Variants in DCC observed in about 807,000 individuals in gnomAD.
DCC encodes the protein netrin receptor DCC.
In DCC, 58 loss-of-function variants were observed where a neutral mutation model predicts 172.5. That is an observed-to-expected ratio of 0.34 (90% confidence interval 0.27 to 0.42). DCC has a LOEUF of 0.42. Ranked by LOEUF, DCC falls within the 10% of genes least tolerant of loss-of-function variation. The pLI, the probability that DCC is intolerant of heterozygous loss-of-function variation, is 1.00. For missense variants in DCC, 1,740 were observed against 1,791.0 expected, an observed-to-expected ratio of 0.97 and a Z score of 0.51; for synonymous variants, 709 against 644.5, an observed-to-expected ratio of 1.10 and a Z score of -1.52.
chr18:52,663,538 A>G (rs2035403624), intron 1 of DCC, among the ~76,000 whole-genome samples: 1 of 152,200 alleles, frequency 6.6e-6, no homozygotes, highest in Non-Finnish European at 1.5e-5. Context: ...TTGATAAATA[A>G]TTAGGCACAT....
intron 5 of DCC, among the ~76,000 whole-genome samples, chr18:53,046,933 T>G (rs1305620875): frequency 1.3e-5 from 2 of 151,728 alleles, no homozygotes; most frequent in East Asian, 2.0e-4. Flanking sequence ...ATTTTTTTAA[T>G]GCAGTGGCTT....
chr18:53,407,129 A>G (rs1439562602), intron 19 of DCC, among the ~76,000 whole-genome samples: 2 of 152,172 alleles, frequency 1.3e-5, no homozygotes, highest in East Asian at 3.9e-4. Flanking sequence ...CAAATATTTT[A>G]TCATCATCTG....
In DCC at chr18:52,724,443, C is replaced by T. The variant is rs144720337; in HGVS notation, c.92-27611C>T. On this transcript the variant is annotated intron_variant, in intron 1 of 28. Transcript: ENST00000442544. ...AGATTACAGGTGTGAGTCATTGTGCCCAGCCTCATACCTTATTTTTAATCC... is the reference window on the plus strand; with the variant it reads ...AGATTACAGGTGTGAGTCATTGTGCTCAGCCTCATACCTTATTTTTAATCC... 3.4e-4 allele frequency among the ~76,000 whole-genome samples: 51 copies of T among 152,210 alleles called. 1 individual carries two copies. Among genetic ancestry groups the T allele is most frequent in the African/African-American group, 1.1e-3 (47 of 41,528 alleles).
At position 53,282,154 on chromosome 18, in the gene DCC, A is replaced by G. The variant is rs2056879954; in HGVS notation, c.1912-23424A>G. Among the ~76,000 whole-genome samples, 3 of 152,158 alleles carry G rather than the reference A, an allele frequency of 2.0e-5. No homozygotes were observed. The South Asian group carries it at 6.2e-4, about 31-fold the overall frequency. On this transcript the variant is annotated intron_variant, in intron 12 of 28. Transcript: ENST00000442544. ...TCCTGTGAGGTTATTATTTACTGATAGATTTTTCTTTTGTTGTTTTTGCTT... is the reference window on the plus strand; with the variant it reads ...TCCTGTGAGGTTATTATTTACTGATGGATTTTTCTTTTGTTGTTTTTGCTT...
intron 1 of DCC, among the ~76,000 whole-genome samples, chr18:52,380,460 T>C (rs1985536918): frequency 6.6e-6 from 1 of 151,874 alleles, no homozygotes; most frequent in Non-Finnish European, 1.5e-5. Flanking sequence ...CAGGAAAAAA[T>C]TGCCAGATGG....
At position 52,927,079 on chromosome 18, in the gene DCC, G is replaced by GTA. The variant is rs1555682800; in HGVS notation, c.985+1714_985+1715dup. On this transcript the variant is annotated intron_variant, in intron 5 of 28. Coordinates refer to ENST00000442544, the MANE Select transcript of DCC (RefSeq NM_005215.4). ...TACACATATATACACACATATATGT[G>GTA]TATATACACGTATATACGTGTATAT... Among the ~76,000 whole-genome samples, 19 of 108,184 alleles carry GTA rather than the reference G, an allele frequency of 1.8e-4. 6 individuals are homozygous for GTA. The highest frequency in any genetic ancestry group is 1.5e-3 in the South Asian group (5 of 3,390). The allele number at this position is 108,184 out of a possible 152,430, so 71.0% of individuals were successfully genotyped here.
At chr18:53,268,980 G>A (rs1404467973) in intron 12 of DCC, among the ~76,000 whole-genome samples, 7 of 152,130 alleles carry the variant, frequency 4.6e-5, no homozygotes, top group African/African-American at 1.7e-4. Flanking sequence ...TGTTTTTAGA[G>A]GAAAGAATAT....
intron 1 of DCC, among the ~76,000 whole-genome samples, chr18:52,635,275 A>G (rs749124838): frequency 8.5e-4 from 129 of 152,242 alleles, no homozygotes; most frequent in Non-Finnish European, 1.7e-3. Flanking sequence ...GCTTCACAAC[A>G]GTCCTTTGAT....
At chr18:52,894,396 T>C (rs1002738401) in intron 2 of DCC, among the ~76,000 whole-genome samples, 1 of 148,812 alleles carries the variant, frequency 6.7e-6, no homozygotes, top group Non-Finnish European at 1.5e-5. Context: ...ACAGGACACA[T>C]ACACACACAC....
At chr18:52,484,846 A>G in intron 1 of DCC, among the ~76,000 whole-genome samples, 1 of 151,440 alleles carries the variant, frequency 6.6e-6, no homozygotes, top group South Asian at 2.1e-4. Flanking sequence ...AGTGGCTCTC[A>G]CTCCCTTCTC....
At chr18:53,471,527 C>A (rs1042837321) in intron 25 of DCC, among the ~76,000 whole-genome samples, 1 of 152,114 alleles carries the variant, frequency 6.6e-6, no homozygotes, top group Non-Finnish European at 1.5e-5. Flanking sequence ...CATGTAGAAA[C>A]AAAATCCACC....
chr18:53,355,140 G>A (rs2057863265), intron 15 of DCC, among the ~76,000 whole-genome samples: 1 of 152,222 alleles, frequency 6.6e-6, no homozygotes, highest in Non-Finnish European at 1.5e-5. Context: ...CTATATCTCT[G>A]TTTTGGTACC....
At chr18:53,228,664 ACTT>A (rs1290131763) in intron 12 of DCC, among the ~76,000 whole-genome samples, 1 of 152,094 alleles carries the variant, frequency 6.6e-6, no homozygotes, top group Non-Finnish European at 1.5e-5. Flanking sequence ...TTCTGACTAT[ACTT>A]AACTTTGATA....
chr18:52,514,130 CCTCT>C (rs978087657), intron 1 of DCC, among the ~76,000 whole-genome samples: 9 of 151,878 alleles, frequency 5.9e-5, no homozygotes, highest in Admixed American at 2.6e-4. Flanking sequence ...TTGATAAAAT[CCTCT>C]CTCTCTGTAT....
intron 5 of DCC, among the ~76,000 whole-genome samples, chr18:52,950,093 A>G (rs963044317): frequency 1.3e-5 from 2 of 152,126 alleles, no homozygotes; most frequent in African/African-American, 2.4e-5. Flanking sequence ...TTCCATTTCT[A>G]TATTGTTTGA....
At chr18:53,483,535 T>C (rs1214953515) in intron 25 of DCC, among the ~76,000 whole-genome samples, 1 of 151,886 alleles carries the variant, frequency 6.6e-6, no homozygotes, top group East Asian at 1.9e-4. Context: ...TGTTAACAGA[T>C]AGAAGTTAAC....
intron 7 of DCC, among the ~76,000 whole-genome samples, chr18:53,106,536 G>A (rs1377657113): frequency 6.6e-6 from 1 of 151,910 alleles, no homozygotes; most frequent in Non-Finnish European, 1.5e-5. Flanking sequence ...AATAAGAGGA[G>A]ATAATTCACT....
At chr18:53,428,210 A>G (rs1431712861) in intron 21 of DCC, among the ~76,000 whole-genome samples, 1 of 30,222 alleles carries the variant, frequency 3.3e-5, no homozygotes, top group African/African-American at 7.8e-5. Flanking sequence ...TATTATATAT[A>G]AGTATATATA....
intron 15 of DCC, among the ~76,000 whole-genome samples, chr18:53,344,681 C>T (rs2057703011): frequency 6.6e-6 from 1 of 151,588 alleles, no homozygotes; most frequent in Non-Finnish European, 1.5e-5. Flanking sequence ...ATGTCATGAT[C>T]CATCCACCTC....
Sources: gnomAD v4.1 joint callset for allele counts (sites outside exome capture counted in the v4.1 genomes callset) on GRCh38, gnomAD v4.1.1 for gene constraint, MANE v1.5 for transcripts, NCBI Gene and HGNC (gene_info 2026-07-23, HGNC 2026-07-21) for gene names.